The following GABBR2 variants were observed in gnomAD, a reference collection of about 807,000 sequenced individuals.
GABBR2 encodes G-protein coupled receptor 51.
A neutral mutation model predicts 105.6 loss-of-function variants in GABBR2; 23 were observed. The ratio of observed to expected loss-of-function variants is 0.22; its 90% CI spans 0.16 to 0.31. The LOEUF is 0.31. GABBR2 is among the 10% of genes least tolerant of loss of function. GABBR2 has a pLI of 1.00. For missense variants in GABBR2, 734 were observed against 1,245.5 expected (o/e 0.59, Z 6.18); for synonymous variants, 478 against 499.7 (o/e 0.96, Z 0.58).
chr9:98,689,039 C>T (rs750624309), intron 1 of GABBR2, among the ~76,000 whole-genome samples: 51 of 152,318 alleles, frequency 3.3e-4, no homozygotes, highest in Middle Eastern at 3.4e-3. Context: ...ATGAAGACTC[C>T]GGTTCTAGTC....
At chr9:98,564,031 T>G (rs1588230279) in intron 2 of GABBR2, among the ~76,000 whole-genome samples, 1 of 134,224 alleles carries the variant, frequency 7.5e-6, no homozygotes, top group Non-Finnish European at 1.7e-5. Context: ...TCATTTATTT[T>G]TTATACACAA....
chr9:98,668,995 C>T (rs750476192), intron 1 of GABBR2, among the ~76,000 whole-genome samples: 4 of 151,750 alleles, frequency 2.6e-5, no homozygotes, highest in Non-Finnish European at 4.4e-5. Flanking sequence ...GTGAATAATG[C>T]TGCTATGAAC....
At chr9:98,377,371 G>A (rs2131472353) in intron 11 of GABBR2, among the ~76,000 whole-genome samples, 1 of 152,254 alleles carries the variant, frequency 6.6e-6, no homozygotes, top group South Asian at 2.1e-4. Flanking sequence ...GAATTCTGTG[G>A]GCAAGTATGG....
intron 13 of GABBR2, among the ~76,000 whole-genome samples, chr9:98,335,372 T>C (rs1831095396): frequency 1.3e-5 from 2 of 152,196 alleles, no homozygotes; most frequent in Admixed American, 1.3e-4. Flanking sequence ...CTTCTTTTAC[T>C]TTCTAGTCGT....
intron 3 of GABBR2, among the ~76,000 whole-genome samples, chr9:98,537,485 G>A (rs1261219655): frequency 1.3e-5 from 2 of 151,762 alleles, no homozygotes; most frequent in African/African-American, 4.8e-5. Context: ...GGGTCTCACT[G>A]TCTCCCAAGT....
chr9:98,640,345 T>G (rs1829942857), intron 1 of GABBR2, among the ~76,000 whole-genome samples: 1 of 152,082 alleles, frequency 6.6e-6, no homozygotes, highest in South Asian at 2.1e-4. Flanking sequence ...ATGGACATTA[T>G]GAATCTCACT....
chr9:98,431,628 C>T (rs1209224316), intron 7 of GABBR2, among the ~76,000 whole-genome samples: 1 of 151,770 alleles, frequency 6.6e-6, no homozygotes, highest in Admixed American at 6.6e-5. Context: ...GGTGGAGTTC[C>T]TAAAATGCCA....
chr9:98,585,291 C>T (rs1402882986), intron 1 of GABBR2, among the ~76,000 whole-genome samples: 8 of 149,260 alleles, frequency 5.4e-5, no homozygotes, highest in South Asian at 4.3e-4. Context: ...CACATATACA[C>T]CATGGAATAC....
In GABBR2 at chr9:98,541,859, C is replaced by CA. The variant is rs1427311266; in HGVS notation, c.630+13dup. 2 of 1,613,274 alleles carry CA rather than the reference C, an allele frequency of 1.2e-6. No individual in the cohort carries two copies. Among genetic ancestry groups the CA allele is most frequent in the Middle Eastern group, 1.7e-4 (1 of 5,922 alleles). The stretch of plus-strand genomic sequence containing the variant: ...AGCAGTAAGGCAGGCCGTGTCCACA[C>CA]AAGCCGAGCGTACCTCAGAGAACCT... On this transcript the variant is annotated intron_variant, in intron 3 of 18. Coordinates refer to ENST00000259455, the MANE Select transcript of GABBR2 (RefSeq NM_005458.8).
At position 98,358,012 on chromosome 9, in the gene GABBR2, T is replaced by C. The variant is rs149766992; in HGVS notation, c.1893+4703A>G. 1.2e-3 allele frequency among the ~76,000 whole-genome samples: 179 copies of C among 152,374 alleles called. 2 individuals carry two copies. Among genetic ancestry groups the C allele is most frequent in the African/African-American group, 4.2e-3 (175 of 41,574 alleles). ...TTTGCTCATTGCTGTGTTGTTGAGATGCCTCCAAACTGATGTGTATGGCTG... is the reference window on the plus strand; with the variant it reads ...TTTGCTCATTGCTGTGTTGTTGAGACGCCTCCAAACTGATGTGTATGGCTG... On this transcript the variant is annotated intron_variant, in intron 13 of 18. Coordinates refer to ENST00000259455, the MANE Select transcript of GABBR2 (RefSeq NM_005458.8).
At chr9:98,608,643 A>G (rs1829464681) in intron 1 of GABBR2, among the ~76,000 whole-genome samples, 1 of 152,226 alleles carries the variant, frequency 6.6e-6, no homozygotes, top group Non-Finnish European at 1.5e-5. Flanking sequence ...GTTTAAAAAT[A>G]CACATGGAAA....
chr9:98,702,067 C>G (rs1165622682), intron 1 of GABBR2, among the ~76,000 whole-genome samples: 1 of 152,056 alleles, frequency 6.6e-6, no homozygotes, highest in Admixed American at 6.5e-5. Context: ...CCCATTTCAT[C>G]GATGAAGAAA....
chr9:98,309,058 T>C (rs537024486), intron 14 of GABBR2, among the ~76,000 whole-genome samples: 1 of 152,314 alleles, frequency 6.6e-6, no homozygotes, highest in East Asian at 1.9e-4. Context: ...TGAGATTCTG[T>C]GGCTCTAAAA....
At chr9:98,511,505 G>C (rs1055143434) in intron 3 of GABBR2, among the ~76,000 whole-genome samples, 2 of 146,426 alleles carry the variant, frequency 1.4e-5, no homozygotes, top group African/African-American at 5.1e-5. Flanking sequence ...TTGATACACC[G>C]CTAGCAAGAC....
chr9:98,385,717 G>T lies in GABBR2; in HGVS notation c.1585C>A (p.Leu529Ile). ...MNNLIILGGM[L>I]SYASIFLFGL... is the part of the protein sequence containing the mutation. ...AAGAGAAATATGGAAGCATAGGAGAGCATCCCTCCAAGGATGATAAGGTTG... is the reference window on the plus strand; with the variant it reads ...AAGAGAAATATGGAAGCATAGGAGATCATCCCTCCAAGGATGATAAGGTTG... The change falls in exon 11 of 19, where the codon CTC becomes ATC. Residue 529 changes from leucine to isoleucine, a missense_variant. Physicochemically the swap from Leu to Ile is conservative, Grantham distance 5 (BLOSUM62 2). This residue lies in a region of GABBR2 where 370 missense variants were observed against 648.9 expected (regional missense o/e 0.57). Coordinates refer to ENST00000259455, the MANE Select transcript of GABBR2 (RefSeq NM_005458.8). The T allele has an allele frequency of 6.2e-7, 1 of 1,606,002 alleles. No individual in the cohort carries two copies. Among genetic ancestry groups the T allele is most frequent in the Non-Finnish European group, 8.5e-7 (1 of 1,172,588 alleles).
At chr9:98,413,560 G>C (rs993553561) in intron 7 of GABBR2, among the ~76,000 whole-genome samples, 3 of 152,156 alleles carry the variant, frequency 2.0e-5, no homozygotes, top group Non-Finnish European at 4.4e-5. Flanking sequence ...AAGCCTTCAG[G>C]AATGTTTGAT....
At chr9:98,666,198 T>C (rs562064804) in intron 1 of GABBR2, among the ~76,000 whole-genome samples, 1 of 152,230 alleles carries the variant, frequency 6.6e-6, no homozygotes, top group African/African-American at 2.4e-5. Flanking sequence ...CTGGAGATGA[T>C]CCCCTGCAGG....
intron 2 of GABBR2, among the ~76,000 whole-genome samples, chr9:98,556,644 TCCTC>T (rs575003953): frequency 8.4e-4 from 128 of 152,240 alleles, no homozygotes; most frequent in Middle Eastern, 6.8e-3. Flanking sequence ...CAGACCCAGC[TCCTC>T]TGGTCAGCTG....
intron 6 of GABBR2, among the ~76,000 whole-genome samples, chr9:98,467,435 A>C (rs1826582341): frequency 1.3e-5 from 2 of 152,064 alleles, no homozygotes; most frequent in Non-Finnish European, 2.9e-5. Flanking sequence ...AGTAGCAAGG[A>C]ATGGGAGTAG....
Sources: allele counts gnomAD v4.1 joint callset (sites outside exome capture counted in the v4.1 genomes callset), GRCh38; gene constraint gnomAD v4.1.1; regional missense constraint gnomAD v4.1.1; transcripts MANE v1.5; gene names NCBI Gene and HGNC (gene_info 2026-07-23, HGNC 2026-07-21).